CPE: variants seen among roughly 807,000 people sequenced by gnomAD.
CPE encodes the protein carboxypeptidase E, also known as carbocypeptidase E.
Under a neutral mutation model 53.5 loss-of-function variants are expected in CPE, and 17 were observed. That is an observed-to-expected ratio of 0.32 (90% CI 0.22 to 0.48). The LOEUF (loss-of-function observed/expected upper bound fraction) is 0.48, where lower values mean the gene tolerates loss of function less well. CPE is among the 20% of genes least tolerant of loss of function. CPE has a pLI of 0.99. For synonymous variants in CPE, 226 were observed against 228.8 expected (o/e 0.99, Z 0.11); for missense variants, 524 against 614.7 (o/e 0.85, Z 1.56).
intron 1 of CPE, among the ~76,000 whole-genome samples, chr4:165,416,276 C>T (rs983355471): frequency 6.6e-6 from 1 of 152,186 alleles, no homozygotes. Flanking sequence ...TCCTCTGGCC[C>T]TGACTCTGCC....
chr4:165,392,589 T>A (rs1379756921), intron 1 of CPE, among the ~76,000 whole-genome samples: 2 of 146,538 alleles, frequency 1.4e-5, no homozygotes, highest in East Asian at 3.9e-4. Context: ...ATATTTATAT[T>A]ACATTATTCC....
intron 1 of CPE, chr4:165,404,249 C>T: frequency 1.3e-6 from 1 of 765,250 alleles, no homozygotes. Flanking sequence ...GAAGACGGCT[C>T]CAATGTCTCC....
intron 1 of CPE, chr4:165,404,029 G>C: frequency 3.6e-6 from 3 of 842,372 alleles, no homozygotes; most frequent in Non-Finnish European, 6.1e-6. Flanking sequence ...CGGCAGCTGG[G>C]GTTAGTGCAC....
intron 3 of CPE, among the ~76,000 whole-genome samples, chr4:165,470,370 G>A (rs1732183826): frequency 6.6e-6 from 1 of 152,146 alleles, no homozygotes; most frequent in African/African-American, 2.4e-5. Flanking sequence ...GGTAGGCACT[G>A]TATTCACAGT....
rs1731864522 is a variant in CPE at position 165,454,331 on chromosome 4, G to A, written c.308-10059G>A. 3.3e-5 allele frequency among the ~76,000 whole-genome samples: 5 copies of A among 151,828 alleles called. No homozygotes were observed. In the South Asian group the frequency reaches 1.0e-3, roughly 32 times the overall value. ...CTCCTTCCGAAACCAGTGCATGTTC[G>A]ACACCGCAAGTCTTTCATGATGATG... On this transcript the variant is annotated intron_variant, in intron 1 of 8. Coordinates refer to ENST00000402744, the MANE Select transcript of CPE (RefSeq NM_001873.4).
intron 1 of CPE, among the ~76,000 whole-genome samples, chr4:165,393,835 T>C (rs1437663894): frequency 6.6e-6 from 1 of 152,126 alleles, no homozygotes; most frequent in Non-Finnish European, 1.5e-5. Context: ...AGACAGGGCC[T>C]AGGGTGGCAA....
At chr4:165,457,367 A>G (rs1441226725) in intron 1 of CPE, among the ~76,000 whole-genome samples, 1 of 152,210 alleles carries the variant, frequency 6.6e-6, no homozygotes, top group East Asian at 1.9e-4. Flanking sequence ...GTATTTGTAA[A>G]AAGTTTGTAG....
chr4:165,480,825 A>G (rs897349404), intron 3 of CPE, among the ~76,000 whole-genome samples: 1 of 152,084 alleles, frequency 6.6e-6, no homozygotes, highest in Non-Finnish European at 1.5e-5. Flanking sequence ...AAAAAGCAGT[A>G]TATAAAATGG....
At chr4:165,399,986 A>G (rs1730840098) in intron 1 of CPE, among the ~76,000 whole-genome samples, 1 of 152,188 alleles carries the variant, frequency 6.6e-6, no homozygotes, top group Non-Finnish European at 1.5e-5. Flanking sequence ...CTTAGACCTT[A>G]CTGTACATGT....
intron 1 of CPE, among the ~76,000 whole-genome samples, chr4:165,396,288 T>C (rs1730765666): frequency 6.6e-6 from 1 of 152,190 alleles, no homozygotes; most frequent in Admixed American, 6.5e-5. Flanking sequence ...TCTCTGTCTC[T>C]CTCTGTAACT....
intron 1 of CPE, among the ~76,000 whole-genome samples, chr4:165,456,828 A>T (rs563455973): frequency 2.9e-5 from 4 of 137,730 alleles, no homozygotes; most frequent in African/African-American, 1.1e-4. Flanking sequence ...TGCAACCTCC[A>T]CCTCCCAGGT....
At chr4:165,436,624 CA>C (rs1208918911) in intron 1 of CPE, among the ~76,000 whole-genome samples, 2 of 152,122 alleles carry the variant, frequency 1.3e-5, no homozygotes, top group East Asian at 3.9e-4. Flanking sequence ...TAGACTATTC[CA>C]AAAACTTTTT....
intron 1 of CPE, among the ~76,000 whole-genome samples, chr4:165,440,459 C>A (rs553757794): frequency 1.4e-5 from 2 of 144,376 alleles, no homozygotes; most frequent in Non-Finnish European, 3.0e-5. Context: ...ACCCCACCCC[C>A]CCCCACACAC....
chr4:165,387,947 G>A (rs1304919311), intron 1 of CPE, among the ~76,000 whole-genome samples: 1 of 152,176 alleles, frequency 6.6e-6, no homozygotes, highest in East Asian at 1.9e-4. Flanking sequence ...CTGTGGTTAT[G>A]CATGTCAAGG....
chr4:165,454,480 A>T lies in CPE; in HGVS notation c.308-9910A>T, dbSNP rs368372914. Reference sequence around the variant, plus strand: ...GAAGAGATTGTTCAAATAAGGTTTTATATTGTTGATTTTGTTTTAGGTAGT... The same window carrying T: ...GAAGAGATTGTTCAAATAAGGTTTTTTATTGTTGATTTTGTTTTAGGTAGT... On this transcript the variant is annotated intron_variant, in intron 1 of 8. Coordinates refer to ENST00000402744, the MANE Select transcript of CPE (RefSeq NM_001873.4). 6.6e-5 allele frequency among the ~76,000 whole-genome samples: 10 copies of T among 152,302 alleles called. No homozygotes were observed. The South Asian group carries it at 1.2e-3, about 19-fold the overall frequency.
At chr4:165,472,863 A>G (rs1465943512) in intron 3 of CPE, among the ~76,000 whole-genome samples, 1 of 152,246 alleles carries the variant, frequency 6.6e-6, no homozygotes. Flanking sequence ...AGTAGTCTCA[A>G]GAACATGTTA....
chr4:165,440,639 A>G (rs975027472), intron 1 of CPE, among the ~76,000 whole-genome samples: 1 of 152,092 alleles, frequency 6.6e-6, no homozygotes, highest in Non-Finnish European at 1.5e-5. Flanking sequence ...TACCTTCCCA[A>G]CTGAGTTCCT....
chr4:165,432,559 G>A (rs1350877521), intron 1 of CPE, among the ~76,000 whole-genome samples: 2 of 152,128 alleles, frequency 1.3e-5, no homozygotes, highest in South Asian at 2.1e-4. Flanking sequence ...GCCTCCCAAA[G>A]TGCTGGGATT....
intron 6 of CPE, among the ~76,000 whole-genome samples, chr4:165,491,410 G>A (rs955690443): frequency 2.6e-5 from 4 of 152,044 alleles, no homozygotes; most frequent in Non-Finnish European, 5.9e-5. Context: ...TTATTGAATG[G>A]GGCCTCATTT....
Sources: allele counts gnomAD v4.1 joint callset (sites outside exome capture counted in the v4.1 genomes callset), GRCh38; gene constraint gnomAD v4.1.1; transcripts MANE v1.5; gene names NCBI Gene and HGNC (gene_info 2026-07-23, HGNC 2026-07-21).